PTCHD4: variants seen among roughly 807,000 people sequenced by gnomAD.
PTCHD4 encodes the protein patched domain containing 4.
Under a neutral mutation model 58.1 loss-of-function variants are expected in PTCHD4, and 33 were observed. The observed-to-expected ratio is 0.57, with a 90% CI of 0.43 to 0.76. The LOEUF (loss-of-function observed/expected upper bound fraction) is 0.76. PTCHD4 is among the 30% of genes least tolerant of loss of function. The pLI is 0.00. For synonymous variants in PTCHD4, 478 were observed against 409.6 expected (o/e 1.17, Z -2.02); for missense variants, 1,058 against 1,027.1 (o/e 1.03, Z -0.41).
At position 47,861,626 on chromosome 6, in the gene PTCHD4, T is replaced by C. The variant is rs1359624432; in HGVS notation, c.*16677A>G. 6.6e-6 allele frequency among the ~76,000 whole-genome samples: 1 copy of C among 151,972 alleles called. No homozygotes were observed. The highest frequency in any genetic ancestry group is 1.5e-5 in the Non-Finnish European group (1 of 67,922). On this transcript the variant is annotated 3_prime_UTR_variant, in exon 5 of 5. Coordinates refer to ENST00000339488, the MANE Select transcript of PTCHD4 (RefSeq NM_001384253.1). The stretch of plus-strand genomic sequence containing the variant: ...CAACTTCTATTTATTATGGAAGACA[T>C]GTTAACTAAGAATCTTGAACAATTT...
At chr6:47,987,697 C>A (rs1768123735) in intron 4 of PTCHD4, among the ~76,000 whole-genome samples, 1 of 152,044 alleles carries the variant, frequency 6.6e-6, no homozygotes, top group African/African-American at 2.4e-5. Context: ...TTCTCCAATT[C>A]AAACTTGGAT....
chr6:48,072,690 T>C (rs1460255217), intron 1 of PTCHD4, among the ~76,000 whole-genome samples: 1 of 152,084 alleles, frequency 6.6e-6, no homozygotes, highest in African/African-American at 2.4e-5. Flanking sequence ...TGTGTGTGTG[T>C]TGTGTATCTG....
chr6:48,000,085 A>T (rs531158457), intron 4 of PTCHD4, among the ~76,000 whole-genome samples: 1 of 152,270 alleles, frequency 6.6e-6, no homozygotes, highest in East Asian at 1.9e-4. Flanking sequence ...TTTTGCCTGC[A>T]TGGCCTTGAG....
chr6:47,923,484 C>A (rs965564702), intron 4 of PTCHD4, among the ~76,000 whole-genome samples: 5 of 152,130 alleles, frequency 3.3e-5, no homozygotes, highest in Admixed American at 2.0e-4. Flanking sequence ...TTGCACAGAT[C>A]GATGTTGCTT....
intron 1 of PTCHD4, among the ~76,000 whole-genome samples, chr6:48,104,539 C>T (rs142076634): frequency 0.16 from 23,832 of 151,974 alleles, 1,928 homozygotes; most frequent in African/African-American, 0.21. Flanking sequence ...AGAAACTGCA[C>T]CAACTAATGA....
chr6:48,058,368 T>G (rs1374918278), intron 3 of PTCHD4, among the ~76,000 whole-genome samples: 1 of 152,254 alleles, frequency 6.6e-6, no homozygotes, highest in South Asian at 2.1e-4. Context: ...AGAATGATTA[T>G]GGTCCGATGA....
rs1165903810 is a variant in PTCHD4, at chr6:47,860,030, G to A, written c.*18273C>T. Among the ~76,000 whole-genome samples the A allele has an allele frequency of 6.6e-6, 1 of 151,964 alleles. No individual in the cohort carries two copies. The highest frequency in any genetic ancestry group is 6.6e-5 in the Admixed American group (1 of 15,244). The stretch of plus-strand genomic sequence containing the variant: ...CCCAAGTTAATGTCTGTGAAGAGAT[G>A]GTTCTTTTGTTTAGGCAGATAAAAT... On this transcript the variant is annotated 3_prime_UTR_variant, in exon 5 of 5. Coordinates refer to ENST00000339488, the MANE Select transcript of PTCHD4 (RefSeq NM_001384253.1).
At chr6:47,984,542 T>A (rs2814480) in intron 4 of PTCHD4, among the ~76,000 whole-genome samples, 7 of 152,108 alleles carry the variant, frequency 4.6e-5, no homozygotes, top group Non-Finnish European at 1.0e-4. Flanking sequence ...ATTTGGGTGA[T>A]GACACAGCCA....
rs77413427 is a variant in PTCHD4, at chr6:47,865,467, G to A, written c.*12836C>T. ...AATGTGAAGATTAAACTATACATTAGAGTATTGTAGTAAATAGATCACACA... is the reference window on the plus strand; with the variant it reads ...AATGTGAAGATTAAACTATACATTAAAGTATTGTAGTAAATAGATCACACA... On this transcript the variant is annotated 3_prime_UTR_variant, in exon 5 of 5. Coordinates refer to ENST00000339488, the MANE Select transcript of PTCHD4 (RefSeq NM_001384253.1). 5.9e-5 allele frequency among the ~76,000 whole-genome samples: 9 copies of A among 151,822 alleles called. No homozygotes were observed. The South Asian group carries it at 1.0e-3, about 17-fold the overall frequency.
At chr6:47,929,357 C>A (rs1048830381) in intron 4 of PTCHD4, among the ~76,000 whole-genome samples, 15 of 152,074 alleles carry the variant, frequency 9.9e-5, no homozygotes, top group African/African-American at 3.4e-4. Context: ...ACCCAAGTGG[C>A]CAGTTTTTAT....
chr6:48,029,832 A>G (rs548494626), intron 3 of PTCHD4, among the ~76,000 whole-genome samples: 2 of 152,264 alleles, frequency 1.3e-5, no homozygotes, highest in South Asian at 4.1e-4. Context: ...ATATGACCAC[A>G]GAGTTTTAAG....
chr6:47,972,808 A>G (rs1767566164), intron 4 of PTCHD4, among the ~76,000 whole-genome samples: 1 of 151,922 alleles, frequency 6.6e-6, no homozygotes, highest in Admixed American at 6.6e-5. Context: ...ATTATTTTTT[A>G]CACTTGTCTT....
chr6:47,886,770 T>A (rs527240720), intron 4 of PTCHD4, among the ~76,000 whole-genome samples: 7 of 152,366 alleles, frequency 4.6e-5, no homozygotes, highest in African/African-American at 1.7e-4. Flanking sequence ...GGATCATTTA[T>A]CCATTGTTCC....
intron 3 of PTCHD4, among the ~76,000 whole-genome samples, chr6:48,027,599 A>C (rs1011929878): frequency 2.0e-5 from 3 of 152,180 alleles, no homozygotes; most frequent in African/African-American, 7.2e-5. Context: ...ATCATTTCTA[A>C]CATAAACTAC....
chr6:48,083,479 T>C (rs923053622), intron 1 of PTCHD4, among the ~76,000 whole-genome samples: 42 of 152,172 alleles, frequency 2.8e-4, no homozygotes, highest in Admixed American at 5.2e-4. Context: ...GCCCTAGATA[T>C]ATGTCTACAT....
Position 48,042,055 on chromosome 6 carries a change from C to T in PTCHD4, c.417+26175G>A, listed in dbSNP as rs556418444. On this transcript the variant is annotated intron_variant, in intron 3 of 4. Transcript: ENST00000339488. ...AACTGCAGAAAACAAACAGACTAGC[C>T]TCCTCTATTTTAAAGTTCACAAGCT... is the stretch of plus-strand genomic sequence containing the variant. Among the ~76,000 whole-genome samples the T allele has an allele frequency of 3.9e-5, 6 of 152,092 alleles. No homozygotes were observed. In the South Asian group the frequency reaches 1.0e-3, roughly 26 times the overall value.
intron 4 of PTCHD4, among the ~76,000 whole-genome samples, chr6:47,882,781 C>CTAGT (rs1450432397): frequency 1.7e-5 from 1 of 58,558 alleles, no homozygotes; most frequent in East Asian, 7.4e-4. Flanking sequence ...ATTGCCCTAA[C>CTAGT]TAGTCACTCA....
chr6:48,040,240 A>G (rs1190745781), intron 3 of PTCHD4, among the ~76,000 whole-genome samples: 1 of 151,970 alleles, frequency 6.6e-6, no homozygotes, highest in Non-Finnish European at 1.5e-5. Flanking sequence ...CTCTTATTCT[A>G]TATTCTTGTT....
At chr6:47,933,742 C>T (rs949531205) in intron 4 of PTCHD4, among the ~76,000 whole-genome samples, 1 of 152,078 alleles carries the variant, frequency 6.6e-6, no homozygotes, top group African/African-American at 2.4e-5. Context: ...GGCCAATCTT[C>T]ATTTATGATA....
Sources: gnomAD v4.1 joint callset for allele counts (sites outside exome capture counted in the v4.1 genomes callset) on GRCh38, gnomAD v4.1.1 for gene constraint, MANE v1.5 for transcripts, NCBI Gene and HGNC (gene_info 2026-07-23, HGNC 2026-07-21) for gene names.